The following UST variants were observed in gnomAD, a reference collection of about 807,000 sequenced individuals.
UST encodes the protein uronyl 2-sulfotransferase.
UST carries 21 observed loss-of-function variants against 45.6 expected under a neutral mutation model. The ratio of observed to expected loss-of-function variants is 0.46; its 90% CI spans 0.33 to 0.66. The LOEUF (loss-of-function observed/expected upper bound fraction) is 0.66, where lower values mean the gene tolerates loss of function less well. Ranked by LOEUF, UST falls within the 30% of genes least tolerant of loss-of-function variation. The probability of loss-of-function intolerance (pLI) is 0.02; values close to 1 mark genes in which losing one functional copy is unlikely to be tolerated. For missense variants in UST, 463 were observed against 512.4 expected, an observed-to-expected ratio of 0.90 and a Z score of 0.93; for synonymous variants, 215 against 200.6, an observed-to-expected ratio of 1.07 and a Z score of -0.61.
Position 148,978,136 on chromosome 6 carries a change from A to T in UST, c.681+13573A>T, listed in dbSNP as rs560196849. ...TATGTTTGTCAAGAAATTTTCACAG[A>T]TTATTTTCAGTTTACCAGATAAAAT... On this transcript the variant is annotated intron_variant, in intron 5 of 7. Coordinates refer to ENST00000367463, the MANE Select transcript of UST (RefSeq NM_005715.3). 3.3e-5 allele frequency among the ~76,000 whole-genome samples: 5 copies of T among 152,306 alleles called. No individual in the cohort carries two copies. The East Asian group carries it at 9.6e-4, about 29-fold the overall frequency.
chr6:149,057,270 G>A (rs534975115), intron 7 of UST, among the ~76,000 whole-genome samples: 2 of 152,178 alleles, frequency 1.3e-5, no homozygotes, highest in East Asian at 1.9e-4. Context: ...AATGTTTTAC[G>A]AGCAACCATA....
chr6:148,941,252 T>A (rs1322873448), intron 2 of UST, 27 bp from the exon 3 acceptor site: 2 of 1,612,510 alleles, frequency 1.2e-6, no homozygotes, highest in African/African-American at 2.7e-5. Context: ...AGACGTTTCA[T>A]GTTTGTTCTC....
intron 5 of UST, among the ~76,000 whole-genome samples, chr6:148,984,013 TTAAC>T (rs1224634309): frequency 6.6e-6 from 1 of 152,236 alleles, no homozygotes. Context: ...GTTTTTTCCT[TTAAC>T]TATAAATAAA....
At chr6:148,750,051 G>C (rs1775959672) in intron 1 of UST, among the ~76,000 whole-genome samples, 1 of 152,086 alleles carries the variant, frequency 6.6e-6, no homozygotes, top group Non-Finnish European at 1.5e-5. Context: ...TTTTATTTTA[G>C]TGTCTGTCAA....
At chr6:148,842,908 G>A (rs1036797935) in intron 1 of UST, among the ~76,000 whole-genome samples, 1 of 152,050 alleles carries the variant, frequency 6.6e-6, no homozygotes, top group Non-Finnish European at 1.5e-5. Context: ...GTGTGGTTCT[G>A]GGAGCTAAAT....
chr6:149,032,114 C>G (rs1189744704), intron 7 of UST, among the ~76,000 whole-genome samples: 1 of 152,204 alleles, frequency 6.6e-6, no homozygotes, highest in Non-Finnish European at 1.5e-5. Context: ...GGAGAAGGAT[C>G]CGCAGCCTCA....
At position 148,748,923 on chromosome 6, in the gene UST, AG is replaced by A. The variant is rs1775933627; in HGVS notation, c.247+1248del. Among the ~76,000 whole-genome samples, 1 of 149,208 alleles carries A rather than the reference AG, an allele frequency of 6.7e-6. No individual in the cohort carries two copies. The highest frequency in any genetic ancestry group is 3.4e-3 in the Middle Eastern group (1 of 292). ...CCGTTTGGAGAAAAGAGAAAAGAAAAGGAAAAAAAAAAAACCCAAAACAAAC... is the reference window on the plus strand; with the variant it reads ...CCGTTTGGAGAAAAGAGAAAAGAAAAGAAAAAAAAAAAACCCAAAACAAAC... On this transcript the variant is annotated intron_variant, in intron 1 of 7. Coordinates refer to ENST00000367463, the MANE Select transcript of UST (RefSeq NM_005715.3). This position sits in a 1 kb window ranked among gnomAD's most constrained non-coding sequence, Gnocchi z 5.3.
chr6:148,855,879 A>G (rs556563104), intron 1 of UST, among the ~76,000 whole-genome samples: 4 of 152,332 alleles, frequency 2.6e-5, no homozygotes, highest in African/African-American at 9.6e-5. Context: ...TTGAGCTGGC[A>G]GGAACTAGGG....
intron 2 of UST, among the ~76,000 whole-genome samples, chr6:148,922,613 T>A (rs1440539812): frequency 7.1e-6 from 1 of 141,576 alleles, no homozygotes; most frequent in Non-Finnish European, 1.5e-5. Flanking sequence ...CTCAGCCTCC[T>A]CAGTACCTAG....
chr6:148,797,223 G>A (rs556146592), intron 1 of UST, among the ~76,000 whole-genome samples: 60 of 152,292 alleles, frequency 3.9e-4, no homozygotes, highest in African/African-American at 1.4e-3. Flanking sequence ...GCTGCAGTCA[G>A]CTATGATCAC....
At chr6:148,828,481 G>A (rs928346222) in intron 1 of UST, among the ~76,000 whole-genome samples, 24 of 152,234 alleles carry the variant, frequency 1.6e-4, no homozygotes, top group African/African-American at 5.5e-4. Context: ...AAAAACCTAT[G>A]TTTCATTCAC....
intron 1 of UST, among the ~76,000 whole-genome samples, chr6:148,811,309 G>C (rs1462461949): frequency 6.6e-6 from 1 of 152,274 alleles, no homozygotes; most frequent in African/African-American, 2.4e-5. Context: ...GGTATTATGA[G>C]AGTGGAAAGG....
At chr6:148,845,148 C>T (rs1202946520) in intron 1 of UST, among the ~76,000 whole-genome samples, 2 of 152,110 alleles carry the variant, frequency 1.3e-5, no homozygotes, top group African/African-American at 4.8e-5. Context: ...CGGGTATGTA[C>T]CCAGTAATGT....
intron 7 of UST, among the ~76,000 whole-genome samples, chr6:149,029,909 T>TGG (rs1554235938): frequency 1.1e-4 from 16 of 142,876 alleles, no homozygotes; most frequent in African/African-American, 3.9e-4. Flanking sequence ...TGTGTGTGTG[T>TGG]GGTGTGTGCA....
intron 1 of UST, among the ~76,000 whole-genome samples, chr6:148,774,207 G>A (rs1322419767): frequency 6.6e-6 from 1 of 151,808 alleles, no homozygotes; most frequent in Admixed American, 6.6e-5. Context: ...TGTTAAAGAA[G>A]CGTGTGACAC....
intron 1 of UST, among the ~76,000 whole-genome samples, chr6:148,789,143 A>G (rs2114700304): frequency 6.6e-6 from 1 of 152,324 alleles, no homozygotes; most frequent in African/African-American, 2.4e-5. Context: ...CATTTAAGCT[A>G]CTAGGTTCTT....
intron 1 of UST, among the ~76,000 whole-genome samples, chr6:148,876,191 G>A (rs980442835): frequency 5.3e-5 from 8 of 152,048 alleles, no homozygotes; most frequent in African/African-American, 1.9e-4. Flanking sequence ...GACAGGAATG[G>A]GAGCAAGAGA....
At chr6:148,896,747 T>C (rs1215854952) in intron 2 of UST, among the ~76,000 whole-genome samples, 1 of 152,128 alleles carries the variant, frequency 6.6e-6, no homozygotes. Context: ...CATGTGACTG[T>C]GTTAATTTGC....
intron 7 of UST, among the ~76,000 whole-genome samples, chr6:149,043,011 CT>C (rs759894588): frequency 9.5e-6 from 1 of 105,728 alleles, no homozygotes; most frequent in Admixed American, 8.2e-5. Flanking sequence ...TTCTTTCTTT[CT>C]TTCTTTCTTT....
Sources: allele counts gnomAD v4.1 joint callset (sites outside exome capture counted in the v4.1 genomes callset), GRCh38; gene constraint gnomAD v4.1.1; non-coding constraint Gnocchi (gnomAD v3.1); transcripts MANE v1.5; gene names NCBI Gene and HGNC (gene_info 2026-07-23, HGNC 2026-07-21).